The following DOCK11 variants were observed in gnomAD, a reference collection of about 807,000 sequenced individuals.
DOCK11 encodes dedicator of cytokinesis protein 11.
Under a neutral mutation model 169.1 loss-of-function variants are expected in DOCK11, and 70 were observed. That is an observed-to-expected ratio of 0.41 (90% CI 0.34 to 0.51). The LOEUF is 0.51. DOCK11 is among the 20% of genes least tolerant of loss of function. The pLI, the probability that DOCK11 is intolerant of heterozygous loss-of-function variation, is 0.10. For synonymous variants in DOCK11, 529 were observed against 541.3 expected (o/e 0.98, Z 0.32); for missense variants, 1,166 against 1,538.8 (o/e 0.76, Z 4.05).
intron 12 of DOCK11, among the ~76,000 whole-genome samples, chrX:118,574,518 G>A (rs961328496): frequency 3.6e-5 from 4 of 111,434 alleles, no homozygotes; most frequent in South Asian, 3.8e-4. Context: ...GCAGTGAGCC[G>A]AGATCACGCT....
Position 118,566,667 on chromosome X carries a change from A to G in DOCK11, c.951+14A>G. The G allele has an allele frequency of 5.9e-6, 7 of 1,189,461 alleles. No individual in the cohort carries two copies. Among genetic ancestry groups the G allele is most frequent in the Non-Finnish European group, 2.3e-6 (2 of 877,218 alleles). On this transcript the variant is annotated intron_variant, in intron 9 of 52. Transcript: ENST00000276202. ...GAACTGATGAAGGTACATCTTTCATATGGCAACTTGCCTTCAACTGAGATA... is the reference window on the plus strand; with the variant it reads ...GAACTGATGAAGGTACATCTTTCATGTGGCAACTTGCCTTCAACTGAGATA...
intron 41 of DOCK11, among the ~76,000 whole-genome samples, chrX:118,650,204 TTC>T: frequency 8.9e-6 from 1 of 111,983 alleles, no homozygotes; most frequent in East Asian, 2.8e-4. Flanking sequence ...GACTGAGTAT[TTC>T]ACTTTGCAGA....
chrX:118,647,738 A>T (rs866179629), intron 40 of DOCK11, among the ~76,000 whole-genome samples: 43 of 49,427 alleles, frequency 8.7e-4, no homozygotes, highest in African/African-American at 2.1e-3. Context: ...ATATAATATA[A>T]TATAATATAT....
chrX:118,648,126 T>TATACA (rs1569441193), intron 40 of DOCK11, among the ~76,000 whole-genome samples: 2 of 76,568 alleles, frequency 2.6e-5, no homozygotes, highest in African/African-American at 1.0e-4. Flanking sequence ...ATTGTAATAT[T>TATACA]ATATAATATA....
intron 45 of DOCK11, among the ~76,000 whole-genome samples, chrX:118,669,104 T>G (rs2016407245): frequency 8.9e-6 from 1 of 111,762 alleles, no homozygotes; most frequent in South Asian, 3.7e-4. Flanking sequence ...CAGGTTTGCA[T>G]TTTAATCAGA....
intron 44 of DOCK11, among the ~76,000 whole-genome samples, chrX:118,657,111 T>G (rs1056178130): frequency 3.6e-5 from 4 of 112,043 alleles, no homozygotes; most frequent in Non-Finnish European, 7.5e-5. Context: ...TTGTCTTTAT[T>G]ATCAGTCCTT....
At chrX:118,601,934 T>G (rs915662236) in intron 23 of DOCK11, among the ~76,000 whole-genome samples, 1 of 104,974 alleles carries the variant, frequency 9.5e-6, no homozygotes, top group Admixed American at 1.0e-4. Context: ...CCCGCCACCA[T>G]GCCCAGCTAA....
At chrX:118,536,075 A>G (rs1253874196) in intron 1 of DOCK11, among the ~76,000 whole-genome samples, 1 of 111,704 alleles carries the variant, frequency 9.0e-6, no homozygotes, top group African/African-American at 3.3e-5. Context: ...TGATGGGTGG[A>G]TCACTTGACC....
intron 7 of DOCK11, among the ~76,000 whole-genome samples, chrX:118,565,349 G>T (rs2013047641): frequency 8.9e-6 from 1 of 111,964 alleles, no homozygotes; most frequent in South Asian, 3.7e-4. Flanking sequence ...GAGTAATTGG[G>T]TTATCCATCA....
chrX:118,608,832 C>T (rs2014605540), intron 26 of DOCK11, among the ~76,000 whole-genome samples: 1 of 111,396 alleles, frequency 9.0e-6, no homozygotes, highest in Non-Finnish European at 1.9e-5. Flanking sequence ...CTTCTCTCTA[C>T]TCTTCAAATT....
intron 11 of DOCK11, among the ~76,000 whole-genome samples, chrX:118,572,860 A>G (rs547516978): frequency 5.7e-4 from 64 of 111,877 alleles, no homozygotes; most frequent in Middle Eastern, 4.6e-3. Flanking sequence ...CAAGAGGAGC[A>G]TGTCTCCCAA....
chrX:118,684,312 C>T (rs1183736733), intron 52 of DOCK11, among the ~76,000 whole-genome samples: 3 of 96,885 alleles, frequency 3.1e-5, no homozygotes, highest in Non-Finnish European at 6.1e-5. Flanking sequence ...CACTCTGTCG[C>T]CCAGGCTGGA....
chrX:118,531,852 C>A (rs2011599134), intron 1 of DOCK11, among the ~76,000 whole-genome samples: 1 of 111,214 alleles, frequency 9.0e-6, no homozygotes, highest in Non-Finnish European at 1.9e-5. Context: ...AGCCACCACA[C>A]CCAGCTGAAG....
At chrX:118,676,162 G>A in intron 47 of DOCK11, 113 bp downstream of exon 47, 3 of 473,614 alleles carry the variant, frequency 6.3e-6, no homozygotes, top group South Asian at 7.3e-5. Context: ...ACAACAGCAG[G>A]GAGCCTCTTT....
chrX:118,667,478 A>G (rs150143890), intron 45 of DOCK11, among the ~76,000 whole-genome samples: 31 of 106,191 alleles, frequency 2.9e-4, no homozygotes, highest in African/African-American at 8.6e-4. Flanking sequence ...TCCTTTTGTC[A>G]CGTTGAATTT....
At chrX:118,644,429 A>T (rs763982296) in intron 40 of DOCK11, among the ~76,000 whole-genome samples, 2 of 112,284 alleles carry the variant, frequency 1.8e-5, no homozygotes, top group South Asian at 7.4e-4. Context: ...CTTTAATATA[A>T]TTTATGAATT....
At chrX:118,524,547 A>G (rs1569406355) in intron 1 of DOCK11, among the ~76,000 whole-genome samples, 1 of 111,577 alleles carries the variant, frequency 9.0e-6, no homozygotes, top group Non-Finnish European at 1.9e-5. Flanking sequence ...CAACAACAAC[A>G]AACTTGATTT....
chrX:118,649,785 G>A (rs2015904778), intron 41 of DOCK11, among the ~76,000 whole-genome samples: 2 of 111,265 alleles, frequency 1.8e-5, no homozygotes, highest in Admixed American at 9.6e-5. Context: ...AAAGTGCTGC[G>A]ATTACAAGCA....
At chrX:118,628,972 T>G (rs1014280176) in intron 34 of DOCK11, among the ~76,000 whole-genome samples, 7 of 112,117 alleles carry the variant, frequency 6.2e-5, no homozygotes, top group African/African-American at 2.3e-4. Flanking sequence ...AACCCAGATT[T>G]TCTAATATGA....
Sources: gnomAD v4.1 joint callset for allele counts (sites outside exome capture counted in the v4.1 genomes callset) on GRCh38, gnomAD v4.1.1 for gene constraint, MANE v1.5 for transcripts, NCBI Gene and HGNC (gene_info 2026-07-23, HGNC 2026-07-21) for gene names.